The following HTR4 variants were observed in gnomAD, a reference collection of about 807,000 sequenced individuals.
The protein encoded by HTR4 is 5-hydroxytryptamine (serotonin) receptor 4, G protein-coupled.
Under a neutral mutation model 36.8 loss-of-function variants are expected in HTR4, and 16 were observed. The observed-to-expected ratio is 0.43, with a 90% CI of 0.29 to 0.66. HTR4 has a LOEUF of 0.66. Ranked by LOEUF, HTR4 falls within the 30% of genes least tolerant of loss-of-function variation. The pLI is 0.13. For missense variants in HTR4, 438 were observed against 490.9 expected (o/e 0.89, Z 1.02); for synonymous variants, 189 against 185.1 (o/e 1.02, Z -0.17).
chr5:148,566,692 T>A (rs1000785604), intron 2 of HTR4, among the ~76,000 whole-genome samples: 1 of 152,136 alleles, frequency 6.6e-6, no homozygotes, highest in African/African-American at 2.4e-5. Context: ...ATCTGGTATA[T>A]GTATGTGATA....
chr5:148,629,361 T>G (rs1037311374), intron 2 of HTR4: 3 of 152,122 alleles, frequency 2.0e-5, no homozygotes, highest in African/African-American at 7.2e-5. Context: ...CTCAAGCAAT[T>G]TTAGTATGGG....
chr5:148,456,417 G>C (rs527858164), intron 5 of HTR4, among the ~76,000 whole-genome samples: 19 of 152,256 alleles, frequency 1.2e-4, no homozygotes, highest in African/African-American at 4.6e-4. Flanking sequence ...CCAGCAGTCT[G>C]TAGGCCCATT....
At chr5:148,491,715 G>A (rs1021744179) in intron 6 of HTR4, among the ~76,000 whole-genome samples, 3 of 152,144 alleles carry the variant, frequency 2.0e-5, no homozygotes, top group African/African-American at 7.2e-5. Context: ...CACAATCTCA[G>A]TGATCTAAGA....
chr5:148,455,260 C>T (rs2113685707), intron 5 of HTR4, among the ~76,000 whole-genome samples: 1 of 152,280 alleles, frequency 6.6e-6, no homozygotes, highest in Middle Eastern at 3.4e-3. Flanking sequence ...AGAACACACT[C>T]CTGAACCTTT....
chr5:148,487,198 G>T (rs888286279), intron 6 of HTR4, among the ~76,000 whole-genome samples: 2 of 152,162 alleles, frequency 1.3e-5, no homozygotes, highest in Admixed American at 1.3e-4. Context: ...TAATGTAGAG[G>T]CATGGATTGA....
chr5:148,626,593 A>C (rs1753117297), intron 2 of HTR4, among the ~76,000 whole-genome samples: 1 of 152,218 alleles, frequency 6.6e-6, no homozygotes, highest in Admixed American at 6.5e-5. Context: ...AAGCTTCCTG[A>C]GTTCAGATCA....
At chr5:148,545,924 G>C (rs369422190) in intron 4 of HTR4, among the ~76,000 whole-genome samples, 1 of 152,304 alleles carries the variant, frequency 6.6e-6, no homozygotes, top group East Asian at 1.9e-4. Flanking sequence ...CAAGTGGATG[G>C]GGAGGGAATA....
At chr5:148,484,708 T>C (rs1402261082) in intron 6 of HTR4, among the ~76,000 whole-genome samples, 2 of 152,202 alleles carry the variant, frequency 1.3e-5, no homozygotes, top group Non-Finnish European at 2.9e-5. Flanking sequence ...TATAGCAGAA[T>C]ATGCAAGATT....
At chr5:148,484,453 A>G (rs1226804455) in intron 6 of HTR4, 12 of 1,416,128 alleles carry the variant, frequency 8.5e-6, no homozygotes, top group African/African-American at 4.2e-5. Context: ...CTATGAGTCT[A>G]TGGTTTCTGG....
At chr5:148,646,241 T>C (rs1307848764) in intron 1 of HTR4, 2 of 152,174 alleles carry the variant, frequency 1.3e-5, no homozygotes, top group African/African-American at 2.4e-5. Flanking sequence ...CCTTCTGAAA[T>C]CCTCTTTAAT....
intron 4 of HTR4, among the ~76,000 whole-genome samples, chr5:148,530,106 C>A (rs978652435): frequency 2.6e-5 from 4 of 152,134 alleles, no homozygotes; most frequent in Non-Finnish European, 5.9e-5. Flanking sequence ...ATAAGGAAAG[C>A]AGAGCATAAA....
chr5:148,653,165 A>G lies in HTR4; in HGVS notation c.-48+897T>C, dbSNP rs117648317. Among the ~76,000 whole-genome samples, 273 of 152,324 alleles carry G rather than the reference A, an allele frequency of 1.8e-3. 4 individuals carry two copies. In the East Asian group the frequency reaches 0.032, roughly 18 times the overall value. ...AGAATCCATCCCAGCGATGGAAGAC[A>G]GGGAGGGCAAACTTGAACCAGTGTC... is the stretch of plus-strand genomic sequence containing the variant. On this transcript the variant is annotated intron_variant, in intron 1 of 6. Transcript: ENST00000377888.
intron 2 of HTR4, among the ~76,000 whole-genome samples, chr5:148,600,994 A>C (rs1442455189): frequency 2.0e-5 from 3 of 148,858 alleles, no homozygotes; most frequent in East Asian, 2.0e-4. Flanking sequence ...AAAAAAAAAA[A>C]AAAAAAAAAC....
At chr5:148,649,257 G>A (rs1291358754) in intron 1 of HTR4, among the ~76,000 whole-genome samples, 2 of 148,664 alleles carry the variant, frequency 1.3e-5, no homozygotes, top group African/African-American at 4.9e-5. Context: ...TGCTTGGATG[G>A]GGAATGTGTG....
At chr5:148,528,559 A>C (rs1758399232) in intron 4 of HTR4, among the ~76,000 whole-genome samples, 1 of 152,192 alleles carries the variant, frequency 6.6e-6, no homozygotes, top group Non-Finnish European at 1.5e-5. Context: ...AAAATCACTG[A>C]ATAAAGGGAT....
chr5:148,625,886 C>CT (rs564951602), intron 2 of HTR4, among the ~76,000 whole-genome samples: 5,866 of 142,206 alleles, frequency 0.041, 112 homozygotes, highest in Middle Eastern at 0.059. Context: ...GCTGCAAAGC[C>CT]TTTTTTTTTT....
At chr5:148,571,765 A>C (rs1760687697) in intron 2 of HTR4, among the ~76,000 whole-genome samples, 1 of 152,070 alleles carries the variant, frequency 6.6e-6, no homozygotes, top group Non-Finnish European at 1.5e-5. Flanking sequence ...AGAATGTCAA[A>C]GGTTGGAGAG....
chr5:148,635,477 A>G lies in HTR4; in HGVS notation c.26+1512T>C, dbSNP rs530887972. ...GGCGTGATATCATCTTGTATCCTGC[A>G]CTATTGTTCCACAGCACCCAGGAGA... On this transcript the variant is annotated intron_variant, in intron 2 of 6. Transcript: ENST00000377888. Among the ~76,000 whole-genome samples the G allele has an allele frequency of 2.6e-5, 4 of 152,260 alleles. No homozygotes were observed. In the South Asian group the frequency reaches 8.3e-4, roughly 32 times the overall value.
At chr5:148,478,461 G>A (rs1435820222), downstream of HTR4, among the ~76,000 whole-genome samples, 1 of 152,132 alleles carries the variant, frequency 6.6e-6, no homozygotes, top group Non-Finnish European at 1.5e-5. Context: ...TCTGAATGGA[G>A]GAAGAGATTT....
Sources: gnomAD v4.1 joint callset for allele counts (sites outside exome capture counted in the v4.1 genomes callset) on GRCh38, gnomAD v4.1.1 for gene constraint, MANE v1.5 for transcripts, NCBI Gene and HGNC (gene_info 2026-07-23, HGNC 2026-07-21) for gene names.